WWOX: variants seen among roughly 807,000 people sequenced by gnomAD.
The protein encoded by WWOX is WW domain containing oxidoreductase, also known as WW domain-containing oxidoreductase.
A neutral mutation model predicts 46.2 loss-of-function variants in WWOX; 69 were observed. That is an observed-to-expected ratio of 1.49 (90% CI 1.23 to 1.82). WWOX has a LOEUF of 1.82. Among genes scored for constraint, WWOX ranks in the 40% most tolerant of loss-of-function variants. The probability of loss-of-function intolerance (pLI) is 0.00; values close to 1 mark genes in which losing one functional copy is unlikely to be tolerated. For missense variants in WWOX, 919 were observed against 542.6 expected, an observed-to-expected ratio of 1.69 and a Z score of -6.89; for synonymous variants, 359 against 202.6, an observed-to-expected ratio of 1.77 and a Z score of -6.56.
In WWOX at chr16:78,918,441, G is replaced by T. The variant is rs1402003862; in HGVS notation, c.1057-293167G>T. Among the ~76,000 whole-genome samples, 4 of 152,110 alleles carry T rather than the reference G, an allele frequency of 2.6e-5. No individual in the cohort carries two copies. In the South Asian group the frequency reaches 8.4e-4, roughly 32 times the overall value. On this transcript the variant is annotated intron_variant, in intron 8 of 8. Transcript: ENST00000566780. Reference sequence around the variant, plus strand: ...TGTCCTATCCCTTTATTTTCTGGCAGGGCTGGACTGTCACTTGGTTGTTCT... The same window carrying T: ...TGTCCTATCCCTTTATTTTCTGGCATGGCTGGACTGTCACTTGGTTGTTCT...
intron 5 of WWOX, among the ~76,000 whole-genome samples, chr16:78,283,158 C>T (rs983455649): frequency 2.0e-5 from 3 of 152,016 alleles, no homozygotes; most frequent in Admixed American, 6.5e-5. Flanking sequence ...TTCACCAGCC[C>T]GGCAGGAGAA....
chr16:79,100,363 T>C (rs377623173), intron 8 of WWOX, among the ~76,000 whole-genome samples: 2 of 152,152 alleles, frequency 1.3e-5, no homozygotes, highest in African/African-American at 2.4e-5. Context: ...AACGAGACAT[T>C]AGTGATCCGA....
chr16:78,372,791 C>G (rs573538825), intron 5 of WWOX, among the ~76,000 whole-genome samples: 1 of 152,060 alleles, frequency 6.6e-6, no homozygotes, highest in Non-Finnish European at 1.5e-5. Flanking sequence ...GAGTAGTGGC[C>G]ACACCAGTCT....
At chr16:79,122,853 G>C (rs1438618763) in intron 8 of WWOX, among the ~76,000 whole-genome samples, 1 of 152,182 alleles carries the variant, frequency 6.6e-6, no homozygotes, top group African/African-American at 2.4e-5. Flanking sequence ...CCATTTTACA[G>C]AAGCAGCAAC....
At chr16:78,406,303 AATATATATATATATATATATAT>A (rs532594425) in intron 6 of WWOX, among the ~76,000 whole-genome samples, 1,561 of 57,820 alleles carry the variant, frequency 0.027, 44 homozygotes, top group African/African-American at 0.028. Context: ...TATAAATATA[AATATATATATATATATATATAT>A]ATATATATAT....
At chr16:78,239,816 T>A (rs1435770284) in intron 5 of WWOX, among the ~76,000 whole-genome samples, 1 of 152,202 alleles carries the variant, frequency 6.6e-6, no homozygotes, top group African/African-American at 2.4e-5. Context: ...ATTATAGATG[T>A]GAGCCACCAC....
chr16:78,495,002 G>A (rs1375203275), intron 8 of WWOX, among the ~76,000 whole-genome samples: 3 of 152,098 alleles, frequency 2.0e-5, no homozygotes, highest in African/African-American at 7.2e-5. Flanking sequence ...GAAACCCAGG[G>A]GGTCAAGCCC....
At chr16:78,431,192 G>C (rs2083209279) in intron 7 of WWOX, among the ~76,000 whole-genome samples, 1 of 152,206 alleles carries the variant, frequency 6.6e-6, no homozygotes, top group African/African-American at 2.4e-5. Flanking sequence ...GACTCCGTCA[G>C]ACCCAATTAT....
intron 8 of WWOX, among the ~76,000 whole-genome samples, chr16:78,631,480 T>A (rs2046428945): frequency 6.6e-6 from 1 of 152,188 alleles, no homozygotes; most frequent in Non-Finnish European, 1.5e-5. Context: ...CAGTTTAATT[T>A]ATATGATTGT....
rs115660153 is a variant in WWOX, at chr16:78,817,865, A to G, written c.1056+385113A>G. ...GATGAGGTCAAGCCTTCTTATTGTC[A>G]TAGGTCATTTTCTTTAGAAATGAGA... On this transcript the variant is annotated intron_variant, in intron 8 of 8. Coordinates refer to ENST00000566780, the MANE Select transcript of WWOX (RefSeq NM_016373.4). 6.9e-3 allele frequency among the ~76,000 whole-genome samples: 1,057 copies of G among 152,230 alleles called. 10 individuals are homozygous for G. Among genetic ancestry groups the G allele is most frequent in the African/African-American group, 0.024 (1,009 of 41,544 alleles).
intron 6 of WWOX, among the ~76,000 whole-genome samples, chr16:78,395,433 C>G (rs1422121515): frequency 6.6e-6 from 1 of 152,088 alleles, no homozygotes; most frequent in African/African-American, 2.4e-5. Flanking sequence ...GAGTAAGGAT[C>G]ACTTGAGCCA....
intron 8 of WWOX, among the ~76,000 whole-genome samples, chr16:78,767,154 T>G (rs2049942865): frequency 7.0e-6 from 1 of 142,562 alleles, no homozygotes; most frequent in Non-Finnish European, 1.5e-5. Context: ...AGGGTCTCAC[T>G]CTGTTGCCCA....
chr16:78,178,940 C>T (rs920439116), intron 5 of WWOX, among the ~76,000 whole-genome samples: 13 of 151,834 alleles, frequency 8.6e-5, no homozygotes, highest in South Asian at 2.1e-4. Flanking sequence ...TCTGTAAACG[C>T]GGATAACCGA....
At chr16:78,526,618 C>T (rs931810425) in intron 8 of WWOX, 2 of 152,188 alleles carry the variant, frequency 1.3e-5, no homozygotes, top group African/African-American at 4.8e-5. Context: ...TGTCCTAGAG[C>T]GGGTTGGGCA....
chr16:78,560,501 G>A (rs188955007), intron 8 of WWOX, among the ~76,000 whole-genome samples: 10 of 152,022 alleles, frequency 6.6e-5, no homozygotes, highest in Non-Finnish European at 1.3e-4. Context: ...AAAATTAGCC[G>A]GGTGTGGCGG....
chr16:79,158,059 A>C (rs1350656960), intron 8 of WWOX, among the ~76,000 whole-genome samples: 1 of 152,142 alleles, frequency 6.6e-6, no homozygotes, highest in Non-Finnish European at 1.5e-5. Flanking sequence ...CTAGGAATTT[A>C]TTGACCCTGG....
intron 5 of WWOX, among the ~76,000 whole-genome samples, chr16:78,211,406 C>A (rs1377467588): frequency 3.3e-5 from 5 of 152,086 alleles, no homozygotes; most frequent in Admixed American, 6.6e-5. Flanking sequence ...GAGCACTGAT[C>A]TTGTCAGGTT....
At chr16:78,307,991 C>G (rs76007167) in intron 5 of WWOX, among the ~76,000 whole-genome samples, 3,169 of 152,272 alleles carry the variant, frequency 0.021, 100 homozygotes, top group African/African-American at 0.072. Context: ...AATGTGGCAG[C>G]TGATGGAGGA....
intron 8 of WWOX, among the ~76,000 whole-genome samples, chr16:78,787,369 T>A (rs1284145314): frequency 1.3e-5 from 2 of 152,182 alleles, no homozygotes; most frequent in Non-Finnish European, 2.9e-5. Context: ...CTACTTTGTG[T>A]CTCTATAGAT....
Sources: gnomAD v4.1 joint callset for allele counts (sites outside exome capture counted in the v4.1 genomes callset) on GRCh38, gnomAD v4.1.1 for gene constraint, MANE v1.5 for transcripts, NCBI Gene and HGNC (gene_info 2026-07-23, HGNC 2026-07-21) for gene names.